The following UBAC1 variants were observed in gnomAD, a reference collection of about 807,000 sequenced individuals.
UBAC1 encodes UBA domain containing 1.
UBAC1 carries 27 observed loss-of-function variants against 45.9 expected under a neutral mutation model. The observed-to-expected ratio is 0.59, with a 90% CI of 0.43 to 0.81. The LOEUF is 0.81. Ranked by LOEUF, UBAC1 falls within the 30% of genes least tolerant of loss-of-function variation. The probability of loss-of-function intolerance (pLI) is 0.00; values close to 1 mark genes in which losing one functional copy is unlikely to be tolerated. For synonymous variants in UBAC1, 227 were observed against 215.5 expected (o/e 1.05, Z -0.47); for missense variants, 529 against 539.2 (o/e 0.98, Z 0.19).
Position 135,953,770 on chromosome 9 carries a change from G to C in UBAC1, c.260-17C>G. 2 of 1,609,768 alleles carry C rather than the reference G, an allele frequency of 1.2e-6. No individual in the cohort carries two copies. Among genetic ancestry groups the C allele is most frequent in the Non-Finnish European group, 1.7e-6 (2 of 1,176,706 alleles). On this transcript the variant is annotated splice_polypyrimidine_tract_variant and intron_variant, in intron 2 of 9. Transcript: ENST00000371756. ...ATAGGACATCTAGAAAAAACAACAC[G>C]TATATCCAACACACTGGTTATCACT...
rs1331366556 is a variant in UBAC1, at chr9:135,947,893, G to A, written c.346C>T (p.Gln116Ter). The change falls in exon 4 of 10, where the codon CAG becomes TAG. Residue 116 changes from glutamine to a stop codon, truncating the protein, a stop_gained. Coordinates refer to ENST00000371756, the MANE Select transcript of UBAC1 (RefSeq NM_016172.3). LOFTEE classifies it high-confidence loss of function. ...VSAEEKKKQDQKAPDKEAILR... is the reference protein window; with the variant it reads ...VSAEEKKKQD Reference sequence around the variant, plus strand: ...ATGGCCTCTTTATCTGGAGCTTTCTGGTCTTGTTTTTTCTACACAGAAACG... The same window carrying A: ...ATGGCCTCTTTATCTGGAGCTTTCTAGTCTTGTTTTTTCTACACAGAAACG... The A allele has an allele frequency of 6.2e-7, 1 of 1,613,924 alleles. No homozygotes were observed. Among genetic ancestry groups the A allele is most frequent in the Admixed American group, 1.7e-5 (1 of 59,976 alleles).
At chr9:135,951,833 AAAT>A (rs961774778) in intron 3 of UBAC1, among the ~76,000 whole-genome samples, 37 of 152,098 alleles carry the variant, frequency 2.4e-4, no homozygotes, top group African/African-American at 6.3e-4. Flanking sequence ...ATAATAATAA[AAAT>A]AATAATAATT....
chr9:135,938,645 G>A (rs1028227075), intron 8 of UBAC1, among the ~76,000 whole-genome samples: 2 of 152,284 alleles, frequency 1.3e-5, no homozygotes, highest in Non-Finnish European at 2.9e-5. Flanking sequence ...ACCTGGGCCA[G>A]TGTGGCCCAC....
chr9:135,949,076 GAAC>G (rs1249692557), intron 3 of UBAC1, among the ~76,000 whole-genome samples: 4 of 149,706 alleles, frequency 2.7e-5, no homozygotes, highest in African/African-American at 4.9e-5. Context: ...AAAAAAAAAG[GAAC>G]AACAGAAAGC....
At position 135,961,293 on chromosome 9, in the gene UBAC1, C is replaced by G. The variant is rs1839534618; in HGVS notation, c.-131G>C. 2 of 798,824 alleles carry G rather than the reference C, an allele frequency of 2.5e-6. No homozygotes were observed. The highest frequency in any genetic ancestry group is 1.9e-5 in the African/African-American group (1 of 53,774). 49.5% of individuals were successfully genotyped at this position (798,824 alleles called of 1,614,324 possible). On this transcript the variant is annotated 5_prime_UTR_variant, in exon 1 of 10. Transcript: ENST00000371756. Reference sequence around the variant, plus strand: ...TGGGCCGCCGCCCCGCCCCGGCTCCCGTCGGCCGGGCCGCCGTCACTCTCC... The same window carrying G: ...TGGGCCGCCGCCCCGCCCCGGCTCCGGTCGGCCGGGCCGCCGTCACTCTCC...
chr9:135,938,824 T>A (rs1469461588), intron 8 of UBAC1, among the ~76,000 whole-genome samples: 4 of 148,102 alleles, frequency 2.7e-5, no homozygotes. Context: ...GGGGGGGGGA[T>A]GTGGGCCACC....
chr9:135,958,115 C>G (rs541578158), intron 1 of UBAC1, among the ~76,000 whole-genome samples: 1 of 149,412 alleles, frequency 6.7e-6, no homozygotes, highest in Non-Finnish European at 1.5e-5. Flanking sequence ...GGCTTGATCT[C>G]GGCTCACTGC....
At chr9:135,945,557 G>C in intron 6 of UBAC1, 1 of 501,418 alleles carries the variant, frequency 2.0e-6, no homozygotes, top group Non-Finnish European at 3.5e-6. Flanking sequence ...CCTGGATCTC[G>C]GATTATTCAT....
At chr9:135,951,023 A>G (rs187616396) in intron 3 of UBAC1, among the ~76,000 whole-genome samples, 111 of 152,240 alleles carry the variant, frequency 7.3e-4, no homozygotes, top group African/African-American at 2.6e-3. Context: ...ACTTAAGCCC[A>G]GGAGGCAGAG....
intron 6 of UBAC1, 57 bp downstream of exon 6, chr9:135,945,832 C>G: frequency 6.8e-7 from 1 of 1,464,418 alleles, no homozygotes; most frequent in Non-Finnish European, 9.5e-7. Flanking sequence ...GGTGGGAGCC[C>G]CACAAAACCA....
At position 135,958,608 on chromosome 9, in the gene UBAC1, C is replaced by T. The variant is rs143528687; in HGVS notation, c.138+2417G>A. Among the ~76,000 whole-genome samples the T allele has an allele frequency of 3.8e-3, 578 of 152,284 alleles. 4 individuals carry two copies. The highest frequency in any genetic ancestry group is 0.013 in the African/African-American group (550 of 41,560). On this transcript the variant is annotated intron_variant, in intron 1 of 9. Transcript: ENST00000371756. ...GAAAAGAGGAAGGAAAAAATCATGC[C>T]GGCGTCAGCACGCACTGGGGACCTG... is the stretch of plus-strand genomic sequence containing the variant.
intron 7 of UBAC1, among the ~76,000 whole-genome samples, chr9:135,943,867 G>A (rs563242279): frequency 2.6e-5 from 4 of 152,296 alleles, no homozygotes; most frequent in Non-Finnish European, 2.9e-5. Context: ...AACTAACACA[G>A]GAACAAAAAA....
chr9:135,960,894 G>A, intron 1 of UBAC1, 131 bp downstream of exon 1: 1 of 771,806 alleles, frequency 1.3e-6, no homozygotes, highest in South Asian at 2.3e-5. Context: ...TCCACCCCCG[G>A]AGGAGAGGGC....
intron 4 of UBAC1, 137 bp from the exon 5 acceptor site, chr9:135,946,508 G>T: frequency 1.5e-6 from 1 of 658,802 alleles, no homozygotes; most frequent in Non-Finnish European, 2.7e-6. Context: ...AGCAGGATCA[G>T]CTGAGGGCAA....
At chr9:135,960,868 G>A (rs1023743861) in intron 1 of UBAC1, among the ~76,000 whole-genome samples, 157 bp downstream of exon 1, 60 of 152,186 alleles carry the variant, frequency 3.9e-4, no homozygotes, top group Middle Eastern at 3.2e-3. Flanking sequence ...CGGGCAAACG[G>A]GCAGGAGGCG....
intron 1 of UBAC1, among the ~76,000 whole-genome samples, chr9:135,960,265 G>T (rs1266470018): frequency 1.3e-5 from 2 of 152,150 alleles, no homozygotes; most frequent in African/African-American, 4.8e-5. Flanking sequence ...AGAGACTCGA[G>T]AACTAGTTCC....
rs557631009 is a variant in UBAC1, at chr9:135,946,182, G to A, written c.544+87C>T. 612 of 1,098,732 alleles carry A rather than the reference G, an allele frequency of 5.6e-4. 2 individuals are homozygous for A. Among genetic ancestry groups the A allele is most frequent in the Admixed American group, 2.7e-3 (152 of 56,282 alleles). 68.1% of individuals were successfully genotyped at this position (1,098,732 alleles called of 1,614,324 possible). On this transcript the variant is annotated intron_variant, in intron 5 of 9. Coordinates refer to ENST00000371756, the MANE Select transcript of UBAC1 (RefSeq NM_016172.3). The stretch of plus-strand genomic sequence containing the variant: ...CGCTTCCATAAAGCACTGAGGTTCC[G>A]GTCAGTGGTCAGTGCGTGGAGCTGC...
chr9:135,934,886 T>C (rs1448054069), intron 9 of UBAC1, among the ~76,000 whole-genome samples: 1 of 151,952 alleles, frequency 6.6e-6, no homozygotes, highest in Non-Finnish European at 1.5e-5. Flanking sequence ...CTTTTTGAAT[T>C]TAATTTTTTT....
At chr9:135,947,317 T>G (rs1483380882) in intron 4 of UBAC1, among the ~76,000 whole-genome samples, 2 of 151,992 alleles carry the variant, frequency 1.3e-5, no homozygotes, top group Non-Finnish European at 2.9e-5. Flanking sequence ...GATGATGCAA[T>G]CTCGGCTTAC....
Sources: allele counts gnomAD v4.1 joint callset (sites outside exome capture counted in the v4.1 genomes callset), GRCh38; gene constraint gnomAD v4.1.1; transcripts MANE v1.5; gene names NCBI Gene and HGNC (gene_info 2026-07-23, HGNC 2026-07-21).